The following RGS6 variants were observed in gnomAD, a reference collection of about 807,000 sequenced individuals.
RGS6 encodes regulator of G protein signaling 6, also known as regulator of G-protein signaling 6.
RGS6 carries 30 observed loss-of-function variants against 78.5 expected under a neutral mutation model. The observed-to-expected ratio is 0.38, with a 90% CI of 0.29 to 0.52. The LOEUF (loss-of-function observed/expected upper bound fraction) is 0.52. Ranked by LOEUF, RGS6 falls within the 20% of genes least tolerant of loss-of-function variation. The pLI, the probability that RGS6 is intolerant of heterozygous loss-of-function variation, is 0.85. For synonymous variants in RGS6, 206 were observed against 206.0 expected (o/e 1.00, Z 0.00); for missense variants, 495 against 609.7 (o/e 0.81, Z 1.98).
intron 2 of RGS6, among the ~76,000 whole-genome samples, chr14:71,979,051 A>G (rs2153108691): frequency 1.3e-5 from 2 of 151,688 alleles, no homozygotes; most frequent in African/African-American, 4.9e-5. Flanking sequence ...TTATTTGCGT[A>G]GAGGTGTTTA....
intron 2 of RGS6, among the ~76,000 whole-genome samples, chr14:72,080,578 C>A (rs1453623443): frequency 6.6e-6 from 1 of 151,994 alleles, no homozygotes; most frequent in East Asian, 1.9e-4. Context: ...AGAACCTGAT[C>A]AAAAAATTAT....
At chr14:72,270,682 G>A (rs901752604) in intron 2 of RGS6, among the ~76,000 whole-genome samples, 1 of 152,230 alleles carries the variant, frequency 6.6e-6, no homozygotes, top group African/African-American at 2.4e-5. Context: ...AACCAGGACT[G>A]AAAATACATC....
chr14:72,585,795 A>T, the RGS6 span, among the ~76,000 whole-genome samples: 1 of 152,138 alleles, frequency 6.6e-6, no homozygotes, highest in Non-Finnish European at 1.5e-5. Context: ...CCCATGAGGG[A>T]TGAGTGCTGA....
chr14:72,550,638 C>CT, intron 17 of RGS6: 1 of 1,510,308 alleles, frequency 6.6e-7, no homozygotes, highest in South Asian at 1.2e-5. Context: ...GGTTCTGAGG[C>CT]ATCCATAATT....
chr14:71,884,160 T>C, the RGS6 span, among the ~76,000 whole-genome samples: 4 of 152,224 alleles, frequency 2.6e-5, no homozygotes, highest in African/African-American at 7.2e-5. Context: ...GAGTTCTGCC[T>C]TCATCTCTCC....
At chr14:71,955,456 A>G (rs901961556) in intron 1 of RGS6, among the ~76,000 whole-genome samples, 1 of 152,208 alleles carries the variant, frequency 6.6e-6, no homozygotes, top group Non-Finnish European at 1.5e-5. Flanking sequence ...AAGTAGAGGA[A>G]TTAAAGAATG....
chr14:72,345,106 G>C (rs1478500376), intron 2 of RGS6, among the ~76,000 whole-genome samples: 2 of 152,116 alleles, frequency 1.3e-5, no homozygotes, highest in East Asian at 3.9e-4. Context: ...GAGGTCTTCT[G>C]GGAAGGAATA....
chr14:72,394,898 G>A (rs531129786), intron 3 of RGS6, among the ~76,000 whole-genome samples: 3 of 152,300 alleles, frequency 2.0e-5, no homozygotes, highest in South Asian at 4.1e-4. Flanking sequence ...TTGCAGTAAA[G>A]ACAGGCATAA....
At position 72,064,247 on chromosome 14, in the gene RGS6, G is replaced by C. The variant is rs1410781050; in HGVS notation, c.84+99372G>C. ...AGGCTGAAGGAGGTGAAGGAGGAGG[G>C]TGAAGACATAAAGTGGGGAACGGAC... On this transcript the variant is annotated intron_variant, in intron 2 of 17. Coordinates refer to ENST00000553525, the MANE Select transcript of RGS6 (RefSeq NM_001204424.2). Among the ~76,000 whole-genome samples the C allele has an allele frequency of 2.6e-5, 4 of 151,878 alleles. No homozygotes were observed. In the East Asian group the frequency reaches 7.8e-4, roughly 29 times the overall value.
chr14:72,350,816 A>G (rs1319098351), intron 2 of RGS6, among the ~76,000 whole-genome samples: 2 of 152,192 alleles, frequency 1.3e-5, no homozygotes, highest in African/African-American at 2.4e-5. Flanking sequence ...GAAAAAATGG[A>G]GATAATAGTA....
At chr14:72,046,099 A>T (rs1016716629) in intron 2 of RGS6, among the ~76,000 whole-genome samples, 2 of 151,928 alleles carry the variant, frequency 1.3e-5, no homozygotes, top group African/African-American at 4.8e-5. Context: ...CTCCTGATGG[A>T]GGTCAAAGCA....
At chr14:72,296,527 T>C (rs2152372180) in intron 2 of RGS6, among the ~76,000 whole-genome samples, 1 of 152,336 alleles carries the variant, frequency 6.6e-6, no homozygotes, top group African/African-American at 2.4e-5. Flanking sequence ...AGCTATTCTA[T>C]TTGGTGTGTT....
intron 2 of RGS6, among the ~76,000 whole-genome samples, chr14:72,240,619 A>C (rs571429566): frequency 6.6e-5 from 10 of 152,280 alleles, no homozygotes; most frequent in Middle Eastern, 3.4e-3. Flanking sequence ...GGAATTTTTC[A>C]AGTTGTATAT....
At chr14:71,903,176 G>C in the RGS6 span, among the ~76,000 whole-genome samples, 3 of 152,322 alleles carry the variant, frequency 2.0e-5, no homozygotes, top group East Asian at 5.8e-4. Flanking sequence ...AAACTACAGA[G>C]GAGAATGCCT....
the RGS6 span, among the ~76,000 whole-genome samples, chr14:72,571,597 G>A: frequency 6.6e-6 from 1 of 152,142 alleles, no homozygotes; most frequent in Admixed American, 6.5e-5. Context: ...TCAACAAACG[G>A]TGCTGGAATA....
the RGS6 span, among the ~76,000 whole-genome samples, chr14:72,581,247 C>T: frequency 6.6e-6 from 1 of 152,202 alleles, no homozygotes; most frequent in African/African-American, 2.4e-5. Context: ...CTACCTGCTG[C>T]TGCTTGGGGT....
intron 2 of RGS6, among the ~76,000 whole-genome samples, chr14:72,139,981 G>A (rs972461820): frequency 5.3e-5 from 8 of 152,134 alleles, no homozygotes; most frequent in African/African-American, 1.9e-4. Flanking sequence ...TAAAGAAACC[G>A]TTTAGTGTTG....
chr14:72,164,948 C>A (rs1262364870), intron 2 of RGS6, among the ~76,000 whole-genome samples: 2 of 152,150 alleles, frequency 1.3e-5, no homozygotes, highest in Admixed American at 1.3e-4. Context: ...GGTAAATTTG[C>A]AAACTTCTAA....
At chr14:72,219,869 G>C (rs2046448783) in intron 2 of RGS6, among the ~76,000 whole-genome samples, 1 of 152,082 alleles carries the variant, frequency 6.6e-6, no homozygotes, top group Non-Finnish European at 1.5e-5. Context: ...GTGTTAGGCA[G>C]GGGTCTATGT....
Sources: allele counts gnomAD v4.1 joint callset (sites outside exome capture counted in the v4.1 genomes callset), GRCh38; gene constraint gnomAD v4.1.1; transcripts MANE v1.5; gene names NCBI Gene and HGNC (gene_info 2026-07-23, HGNC 2026-07-21).